The following IGF1R variants were observed in gnomAD, a reference collection of about 807,000 sequenced individuals.
IGF1R encodes insulin-like growth factor 1 receptor.
Under a neutral mutation model 144.6 loss-of-function variants are expected in IGF1R, and 44 were observed. The observed-to-expected ratio is 0.30, with a 90% CI of 0.24 to 0.39. The LOEUF (loss-of-function observed/expected upper bound fraction) is 0.39. Ranked by LOEUF, IGF1R falls within the 10% of genes least tolerant of loss-of-function variation. The pLI, the probability that IGF1R is intolerant of heterozygous loss-of-function variation, is 1.00. For synonymous variants in IGF1R, 795 were observed against 722.8 expected (o/e 1.10, Z -1.60); for missense variants, 1,355 against 1,833.7 (o/e 0.74, Z 4.77).
At chr15:98,787,799 A>C (rs1193421572) in intron 2 of IGF1R, among the ~76,000 whole-genome samples, 1 of 152,230 alleles carries the variant, frequency 6.6e-6, no homozygotes, top group African/African-American at 2.4e-5. Context: ...TGGAACACTC[A>C]GCTGGAGGTG....
chr15:98,696,914 G>C (rs2053608693), intron 1 of IGF1R, among the ~76,000 whole-genome samples: 1 of 152,212 alleles, frequency 6.6e-6, no homozygotes, highest in Non-Finnish European at 1.5e-5. Flanking sequence ...AGGGTACCTG[G>C]TCTTAGTAGA....
intron 1 of IGF1R, among the ~76,000 whole-genome samples, chr15:98,696,229 G>A (rs1279616391): frequency 6.6e-6 from 1 of 152,000 alleles, no homozygotes; most frequent in Non-Finnish European, 1.5e-5. Context: ...GTCATCCAGT[G>A]TATTTGCCAT....
At chr15:98,686,307 T>C (rs2053326389) in intron 1 of IGF1R, among the ~76,000 whole-genome samples, 1 of 152,260 alleles carries the variant, frequency 6.6e-6, no homozygotes, top group Non-Finnish European at 1.5e-5. Context: ...TATATATGCT[T>C]ATCCATTTGT....
chr15:98,705,957 C>T (rs1278673101), intron 1 of IGF1R, among the ~76,000 whole-genome samples: 1 of 152,244 alleles, frequency 6.6e-6, no homozygotes, highest in African/African-American at 2.4e-5. Context: ...ATACCTTGTT[C>T]TGCATTGTCT....
At chr15:98,795,139 T>TAAAC (rs3076061) in intron 2 of IGF1R, among the ~76,000 whole-genome samples, 1 of 152,002 alleles carries the variant, frequency 6.6e-6, no homozygotes, top group Admixed American at 6.5e-5. Context: ...AGTGGGAAAA[T>TAAAC]ATTGACTATT....
chr15:98,815,773 G>A (rs2056684319), intron 2 of IGF1R, among the ~76,000 whole-genome samples: 1 of 152,136 alleles, frequency 6.6e-6, no homozygotes, highest in South Asian at 2.1e-4. Context: ...AGGAACAATG[G>A]AAGTGAGTCT....
At chr15:98,726,607 G>A (rs1890562669) in intron 2 of IGF1R, among the ~76,000 whole-genome samples, 1 of 151,764 alleles carries the variant, frequency 6.6e-6, no homozygotes, top group African/African-American at 2.4e-5. Flanking sequence ...TAGTTAAATT[G>A]CAGATGCTTA....
rs1400796655 is a variant in IGF1R, at chr15:98,908,985, T to G, written c.1462+86T>G. 3 of 1,234,630 alleles carry G rather than the reference T, an allele frequency of 2.4e-6. No homozygotes were observed. The East Asian group carries it at 7.5e-5, about 31-fold the overall frequency. 76.5% of individuals were successfully genotyped at this position (1,234,630 alleles called of 1,614,324 possible). A position where few individuals can be genotyped will look rare whatever the true frequency, so the allele number is the denominator to read the frequency against. On this transcript the variant is annotated intron_variant, in intron 6 of 20. Transcript: ENST00000650285. ...CCCATGTGTGATGGCAGCTTTCCTC[T>G]GCGGCCCCTCCTGGTTTCACATGGG...
intron 2 of IGF1R, among the ~76,000 whole-genome samples, chr15:98,867,736 C>G (rs1180083799): frequency 6.6e-6 from 1 of 152,090 alleles, no homozygotes; most frequent in Non-Finnish European, 1.5e-5. Context: ...AACTTAAAAG[C>G]TTTTTGACTT....
chr15:98,857,380 G>A (rs943632686), intron 2 of IGF1R, among the ~76,000 whole-genome samples: 5 of 152,046 alleles, frequency 3.3e-5, no homozygotes, highest in Admixed American at 1.3e-4. Flanking sequence ...CACCACACCC[G>A]GCTAATTTTT....
intron 1 of IGF1R, among the ~76,000 whole-genome samples, chr15:98,669,648 C>CT (rs923687671): frequency 6.6e-5 from 10 of 152,208 alleles, no homozygotes; most frequent in African/African-American, 2.2e-4. Flanking sequence ...GAAACACTGT[C>CT]TTCCCATTAG....
intron 2 of IGF1R, among the ~76,000 whole-genome samples, chr15:98,867,552 C>T (rs570125596): frequency 3.3e-5 from 5 of 152,216 alleles, no homozygotes; most frequent in East Asian, 3.9e-4. Flanking sequence ...TGTTCTTGTC[C>T]TCCCGTTAGG....
At chr15:98,938,211 T>C (rs953479067) in intron 17 of IGF1R, among the ~76,000 whole-genome samples, 1 of 152,188 alleles carries the variant, frequency 6.6e-6, no homozygotes, top group African/African-American at 2.4e-5. Flanking sequence ...GAAACCACTG[T>C]GATACCCCAT....
intron 1 of IGF1R, among the ~76,000 whole-genome samples, chr15:98,695,567 AC>A (rs2053576629): frequency 6.6e-6 from 1 of 152,210 alleles, no homozygotes; most frequent in Admixed American, 6.5e-5. Context: ...CTCATTGTTA[AC>A]CATCAGTTTC....
rs750559250 is a variant in IGF1R at position 98,911,428 on chromosome 15, T to C, written c.1576T>C (p.Tyr526His). 1 of 1,614,206 alleles carries C rather than the reference T, an allele frequency of 6.2e-7. No individual in the cohort carries two copies. Among genetic ancestry groups the C allele is most frequent in the Admixed American group, 1.7e-5 (1 of 60,022 alleles). The change falls in exon 7 of 21, where the codon TAC (tyrosine) becomes CAC (histidine). Residue 526 changes from tyrosine to histidine, a missense_variant. Physicochemically the swap from Tyr to His is moderately conservative, Grantham distance 83. Coordinates refer to ENST00000650285, the MANE Select transcript of IGF1R (RefSeq NM_000875.5). The stretch of plus-strand genomic sequence containing the variant: ...CAGGGATCTCATCAGCTTCACCGTT[T>C]ACTACAAGGAAGCGTGAGTTTCTGC... ...DYRDLISFTV[Y>H]YKEAPFKNVT...
intron 2 of IGF1R, among the ~76,000 whole-genome samples, chr15:98,729,349 A>G (rs895087599): frequency 3.9e-5 from 6 of 152,244 alleles, no homozygotes; most frequent in African/African-American, 1.2e-4. Context: ...CCAGAAAGTA[A>G]TAAGCACTTA....
intron 11 of IGF1R, among the ~76,000 whole-genome samples, chr15:98,922,866 T>C (rs2015550264): frequency 6.6e-6 from 1 of 152,158 alleles, no homozygotes; most frequent in Non-Finnish European, 1.5e-5. Context: ...CAGCCTCTGG[T>C]CTTGCTTATT....
chr15:98,874,132 G>A (rs2012930813), intron 2 of IGF1R, among the ~76,000 whole-genome samples: 1 of 152,204 alleles, frequency 6.6e-6, no homozygotes, highest in Non-Finnish European at 1.5e-5. Context: ...GGAAGTAACA[G>A]GTCCAAAATG....
intron 2 of IGF1R, among the ~76,000 whole-genome samples, chr15:98,767,698 A>C (rs949519640): frequency 5.9e-5 from 9 of 152,166 alleles, no homozygotes; most frequent in Non-Finnish European, 8.8e-5. Context: ...TTAAAATAGG[A>C]TGTTAAAGGA....
Sources: allele counts gnomAD v4.1 joint callset (sites outside exome capture counted in the v4.1 genomes callset), GRCh38; gene constraint gnomAD v4.1.1; transcripts MANE v1.5; gene names NCBI Gene and HGNC (gene_info 2026-07-23, HGNC 2026-07-21).